EPHA6: variants seen among roughly 807,000 people sequenced by gnomAD.
The protein encoded by EPHA6 is EPH receptor A6, also known as ephrin type-A receptor 6.
In EPHA6, 50 loss-of-function variants were observed where a neutral mutation model predicts 112.0. That is an observed-to-expected ratio of 0.45 (90% CI 0.36 to 0.56). The LOEUF (loss-of-function observed/expected upper bound fraction) is 0.56. EPHA6 is among the 20% of genes least tolerant of loss of function. EPHA6 has a pLI of 0.00. For missense variants in EPHA6, 1,280 were observed against 1,417.4 expected (o/e 0.90, Z 1.56); for synonymous variants, 529 against 490.7 (o/e 1.08, Z -1.03).
intron 3 of EPHA6, among the ~76,000 whole-genome samples, chr3:97,048,181 C>G (rs1051726890): frequency 6.6e-6 from 1 of 152,128 alleles, no homozygotes; most frequent in Non-Finnish European, 1.5e-5. Context: ...AATAGAAAAG[C>G]TATGACAAGC....
intron 5 of EPHA6, among the ~76,000 whole-genome samples, chr3:97,334,947 G>A (rs1420160021): frequency 6.6e-6 from 1 of 152,050 alleles, no homozygotes; most frequent in Non-Finnish European, 1.5e-5. Context: ...GTTAAGGTTT[G>A]TTTTACGGCC....
intron 6 of EPHA6, among the ~76,000 whole-genome samples, chr3:97,433,199 G>T (rs1387765940): frequency 1.3e-5 from 2 of 152,062 alleles, no homozygotes; most frequent in Non-Finnish European, 2.9e-5. Context: ...GATGAGCACA[G>T]GTATGTAAGT....
intron 5 of EPHA6, among the ~76,000 whole-genome samples, chr3:97,318,558 T>C (rs757907539): frequency 3.3e-5 from 5 of 152,020 alleles, no homozygotes; most frequent in Non-Finnish European, 7.4e-5. Flanking sequence ...ACCACTCTTT[T>C]GCTAATTTAA....
chr3:97,654,753 G>A (rs904603171), intron 14 of EPHA6, among the ~76,000 whole-genome samples: 1 of 151,828 alleles, frequency 6.6e-6, no homozygotes, highest in Admixed American at 6.6e-5. Flanking sequence ...GAGAGGTAGG[G>A]GAGAGTGTTA....
intron 5 of EPHA6, among the ~76,000 whole-genome samples, chr3:97,324,567 T>C (rs1454047050): frequency 6.9e-6 from 1 of 145,858 alleles, no homozygotes; most frequent in Non-Finnish European, 1.5e-5. Flanking sequence ...CGATGGAGCT[T>C]CGCTCTTTTT....
intron 3 of EPHA6, among the ~76,000 whole-genome samples, chr3:97,020,906 G>A (rs2107979056): frequency 6.7e-6 from 1 of 150,326 alleles, no homozygotes; most frequent in South Asian, 2.1e-4. Flanking sequence ...CATCACCAAG[G>A]TTTGATTTTT....
intron 5 of EPHA6, among the ~76,000 whole-genome samples, chr3:97,348,767 G>T (rs375948026): frequency 6.6e-6 from 1 of 152,000 alleles, no homozygotes; most frequent in East Asian, 1.9e-4. Context: ...GGTAGGTCAT[G>T]GGGCAGGATA....
intron 14 of EPHA6, among the ~76,000 whole-genome samples, chr3:97,707,521 G>C (rs1576326183): frequency 6.6e-6 from 1 of 152,196 alleles, no homozygotes; most frequent in East Asian, 1.9e-4. Flanking sequence ...AATGAGAAAA[G>C]TTGAAAATAC....
chr3:97,674,261 G>T (rs977467428), intron 14 of EPHA6, among the ~76,000 whole-genome samples: 4 of 152,044 alleles, frequency 2.6e-5, no homozygotes, highest in Admixed American at 2.6e-4. Flanking sequence ...CCCACCTAAG[G>T]ATTTTAATAA....
intron 2 of EPHA6, among the ~76,000 whole-genome samples, chr3:96,975,958 A>G (rs2042505800): frequency 2.0e-5 from 3 of 152,166 alleles, no homozygotes; most frequent in Admixed American, 6.6e-5. Context: ...AAAAGCATAC[A>G]TGTGATTGAG....
chr3:96,884,949 A>G (rs2037538573), intron 2 of EPHA6, among the ~76,000 whole-genome samples: 2 of 152,170 alleles, frequency 1.3e-5, no homozygotes, highest in Non-Finnish European at 2.9e-5. Flanking sequence ...GCTGGATTTT[A>G]TCTAATGCTT....
chr3:97,233,193 G>A (rs1205359165), intron 4 of EPHA6, among the ~76,000 whole-genome samples: 1 of 151,748 alleles, frequency 6.6e-6, no homozygotes, highest in East Asian at 1.9e-4. Flanking sequence ...GGGGTGGAGG[G>A]CCCTCTCCTG....
chr3:97,285,897 G>T (rs79067457), intron 5 of EPHA6, among the ~76,000 whole-genome samples: 2 of 151,954 alleles, frequency 1.3e-5, no homozygotes, highest in Non-Finnish European at 2.9e-5. Context: ...TCACCAGCAT[G>T]TACTATTTTT....
At chr3:96,869,880 A>T (rs1576192650) in intron 2 of EPHA6, among the ~76,000 whole-genome samples, 1 of 152,158 alleles carries the variant, frequency 6.6e-6, no homozygotes, top group Middle Eastern at 3.4e-3. Context: ...GCAATTGGAG[A>T]TTAGAAATCT....
At chr3:97,345,213 C>A (rs1393136668) in intron 5 of EPHA6, among the ~76,000 whole-genome samples, 1 of 152,052 alleles carries the variant, frequency 6.6e-6, no homozygotes, top group Non-Finnish European at 1.5e-5. Context: ...TAAATTCTGA[C>A]AGTGTGTCAC....
intron 5 of EPHA6, among the ~76,000 whole-genome samples, chr3:97,351,188 A>G (rs2083795900): frequency 6.6e-6 from 1 of 152,188 alleles, no homozygotes. Context: ...ATATTAGTTG[A>G]TACAGTGGAA....
intron 3 of EPHA6, among the ~76,000 whole-genome samples, chr3:97,187,676 AG>A (rs1559784389): frequency 2.5e-4 from 22 of 88,322 alleles, no homozygotes; most frequent in African/African-American, 9.3e-4. Flanking sequence ...AGAAAGAAAG[AG>A]AAAGAAAGAA....
Position 96,948,159 on chromosome 3 carries a change from C to G in EPHA6, c.451-39171C>G, listed in dbSNP as rs907535886. Among the ~76,000 whole-genome samples, 4 of 152,106 alleles carry G rather than the reference C, an allele frequency of 2.6e-5. No individual in the cohort carries two copies. The East Asian group carries it at 7.7e-4, about 29-fold the overall frequency. On this transcript the variant is annotated intron_variant, in intron 2 of 17. Transcript: ENST00000389672. ...GGCAAAAACTGTTTTTTTAATTGCA[C>G]TTTGGCAAAGTTTATCTTTGCAAGA...
chr3:97,196,187 C>T (rs1121044), intron 3 of EPHA6, among the ~76,000 whole-genome samples: 8,654 of 150,792 alleles, frequency 0.057, 834 homozygotes, highest in African/African-American at 0.2. Context: ...CTTTTGTCTC[C>T]ATTTACTGTG....
Sources: gnomAD v4.1 joint callset for allele counts (sites outside exome capture counted in the v4.1 genomes callset) on GRCh38, gnomAD v4.1.1 for gene constraint, MANE v1.5 for transcripts, NCBI Gene and HGNC (gene_info 2026-07-23, HGNC 2026-07-21) for gene names.